The following FBXO39 variants were observed in gnomAD, a reference collection of about 807,000 sequenced individuals.
FBXO39 encodes the protein F-box protein 39, also known as F-box only protein 39.
In FBXO39, 22 loss-of-function variants were observed where a neutral mutation model predicts 36.6. The observed-to-expected ratio is 0.60, with a 90% confidence interval of 0.43 to 0.86. The LOEUF is 0.86. Among genes scored for constraint, FBXO39 ranks in the 40% least tolerant of loss-of-function variants. FBXO39 has a pLI of 0.00. For missense variants in FBXO39, 536 were observed against 543.9 expected, an observed-to-expected ratio of 0.99 and a Z score of 0.14; for synonymous variants, 206 against 205.8, an observed-to-expected ratio of 1.00 and a Z score of -0.01.
rs16956264 is a variant in FBXO39, at chr17:6,780,365, A to C, written c.497A>C (p.Tyr166Ser). ...FLKKMGKRLD[Y>S]LNLKGARLTV... ...AAGAAGATGGGCAAACGCCTGGATT[A>C]TCTCAACCTAAAAGGGGCCAGGCTG... The change falls in exon 2 of 4, where the codon TAT becomes TCT. Residue 166 changes from tyrosine to serine, a missense_variant. By Grantham distance (144) the Tyr-to-Ser change is moderately radical. Coordinates refer to ENST00000321535, the MANE Select transcript of FBXO39 (RefSeq NM_153230.3). 1 of 1,613,976 alleles carries C rather than the reference A, an allele frequency of 6.2e-7. No homozygotes were observed. Among genetic ancestry groups the C allele is most frequent in the Non-Finnish European group, 8.5e-7 (1 of 1,180,002 alleles).
At chr17:6,787,177 G>A (rs2151575799) in intron 3 of FBXO39, 123 bp from the exon 4 acceptor site, 3 of 1,452,272 alleles carry the variant, frequency 2.1e-6, no homozygotes, top group Non-Finnish European at 2.8e-6. Context: ...ACAACTGTAT[G>A]TGTAGATCAT....
At chr17:6,785,424 A>G (rs1401287042) in intron 2 of FBXO39, among the ~76,000 whole-genome samples, 1 of 151,896 alleles carries the variant, frequency 6.6e-6, no homozygotes, top group African/African-American at 2.4e-5. Flanking sequence ...TCTCCAGGGC[A>G]TTGAACTGGG....
chr17:6,777,364 A>G (rs554780627), intron 1 of FBXO39, among the ~76,000 whole-genome samples: 4 of 151,784 alleles, frequency 2.6e-5, no homozygotes, highest in Non-Finnish European at 4.4e-5. Flanking sequence ...GCAGTGTTTG[A>G]TTTCCTGTTC....
chr17:6,779,439 C>T (rs1976475547), intron 1 of FBXO39, among the ~76,000 whole-genome samples: 1 of 152,216 alleles, frequency 6.6e-6, no homozygotes. Context: ...CCTTGCAAAT[C>T]CTACTCACCC....
chr17:6,780,652 G>T lies in FBXO39; in HGVS notation c.784G>T (p.Asp262Tyr), dbSNP rs1976496463. The T allele has an allele frequency of 1.2e-6, 2 of 1,614,096 alleles. No homozygotes were observed. Among genetic ancestry groups the T allele is most frequent in the Non-Finnish European group, 1.7e-6 (2 of 1,180,020 alleles). Residue 262 changes from aspartate (D) to tyrosine (Y), a missense_variant, in exon 2 of 4, where the codon GAC becomes TAC. By Grantham distance (160) the Asp-to-Tyr change is radical (BLOSUM62 -3). Coordinates refer to ENST00000321535, the MANE Select transcript of FBXO39 (RefSeq NM_153230.3). ...CATCAACATCAAATGCCACGTTCATGACCCCCACGGACAGGTCATCTGGGG... is the reference window on the plus strand; with the variant it reads ...CATCAACATCAAATGCCACGTTCATTACCCCCACGGACAGGTCATCTGGGG... ...RTINIKCHVH[D>Y]PHGQVIWGMS...
chr17:6,778,874 TC>T (rs1218806854), intron 1 of FBXO39, among the ~76,000 whole-genome samples: 1 of 152,200 alleles, frequency 6.6e-6, no homozygotes, highest in Non-Finnish European at 1.5e-5. Flanking sequence ...CCAAATCGTG[TC>T]TTCTAAAGAA....
Position 6,787,587 on chromosome 17 carries a change from C to T in FBXO39, c.*159C>T, listed in dbSNP as rs750734070. ...GACAACATGACCAGCTCAGCAAAGG[C>T]TGAGACTGCCCATGACCTGAAGGCT... On this transcript the variant is annotated 3_prime_UTR_variant, in exon 4 of 4. Coordinates refer to ENST00000321535, the MANE Select transcript of FBXO39 (RefSeq NM_153230.3). The T allele has an allele frequency of 6.2e-5, 46 of 744,432 alleles. 1 individual carries two copies. In the Middle Eastern group the frequency reaches 9.0e-3, roughly 145 times the overall value. The allele number at this position is 744,432 out of a possible 1,614,324, so 46.1% of individuals were successfully genotyped here. A position where few individuals can be genotyped will look rare whatever the true frequency, so the allele number is the denominator to read the frequency against.
At chr17:6,785,784 A>AAT (rs1323818022) in intron 2 of FBXO39, among the ~76,000 whole-genome samples, 1 of 152,226 alleles carries the variant, frequency 6.6e-6, no homozygotes, top group East Asian at 1.9e-4. Context: ...GAGAAATGCA[A>AAT]ATCAAAACCA....
At chr17:6,779,712 G>A (rs1976479058) in intron 1 of FBXO39, 77 bp from the exon 2 acceptor site, 1 of 752,962 alleles carries the variant, frequency 1.3e-6, no homozygotes, top group Non-Finnish European at 2.1e-6. Flanking sequence ...ATGCACTTGG[G>A]ACCACAGGGA....
intron 2 of FBXO39, among the ~76,000 whole-genome samples, chr17:6,782,732 A>G (rs1374889781): frequency 6.6e-6 from 1 of 152,168 alleles, no homozygotes; most frequent in African/African-American, 2.4e-5. Flanking sequence ...AACAATTGTA[A>G]GTATATATGC....
chr17:6,786,378 G>A (rs954843334), intron 2 of FBXO39, among the ~76,000 whole-genome samples: 1 of 152,078 alleles, frequency 6.6e-6, no homozygotes, highest in Non-Finnish European at 1.5e-5. Context: ...GAGGGAAGTG[G>A]GGATGGCTAA....
chr17:6,778,746 T>A (rs1976464719), intron 1 of FBXO39, among the ~76,000 whole-genome samples: 1 of 152,182 alleles, frequency 6.6e-6, no homozygotes. Context: ...TGTAAAAAGT[T>A]TAGCAGATGG....
chr17:6,782,506 C>G (rs895654607), intron 2 of FBXO39, among the ~76,000 whole-genome samples: 1 of 152,056 alleles, frequency 6.6e-6, no homozygotes, highest in Non-Finnish European at 1.5e-5. Context: ...AAGAAAGACT[C>G]AATTATCTGC....
At chr17:6,787,249 T>TTCGCGC in intron 3 of FBXO39, 51 bp from the exon 4 acceptor site, 1 of 1,552,972 alleles carries the variant, frequency 6.4e-7, no homozygotes, top group Admixed American at 1.8e-5. Flanking sequence ...TGTGTGTGTG[T>TTCGCGC]GTGTGCGTGT....
At chr17:6,779,199 T>C (rs1468227578) in intron 1 of FBXO39, among the ~76,000 whole-genome samples, 1 of 152,166 alleles carries the variant, frequency 6.6e-6, no homozygotes, top group Non-Finnish European at 1.5e-5. Flanking sequence ...ATAATCTTTA[T>C]CACATCACGC....
intron 1 of FBXO39, among the ~76,000 whole-genome samples, chr17:6,777,262 C>T (rs1597773141): frequency 1.3e-5 from 2 of 151,974 alleles, no homozygotes; most frequent in African/African-American, 2.4e-5. Context: ...CTCCCCTTGC[C>T]CGCCACCCCC....
chr17:6,786,521 CAAAGGAT>C (rs1976572655), intron 2 of FBXO39, among the ~76,000 whole-genome samples: 1 of 152,068 alleles, frequency 6.6e-6, no homozygotes, highest in South Asian at 2.1e-4. Flanking sequence ...GTTTGTAACA[CAAAGGAT>C]AAATGCTTGA....
In FBXO39 at chr17:6,780,579, C is replaced by A. The variant is rs778379306; in HGVS notation, c.711C>A (p.Ser237=). ...VSLNLNYNCI[S]DELLENLCEN... is the part of the protein sequence containing the mutation. ...TGAACCTCAACTACAACTGTATCTC[C>A]GACGAGCTGCTTGAGAACTTGTGTG... Residue 237 remains serine, a synonymous_variant, in exon 2 of 4, where the codon TCC becomes TCA. Transcript: ENST00000321535. 1.2e-6 allele frequency: 2 copies of A among 1,614,024 alleles called. No homozygotes were observed. The highest frequency in any genetic ancestry group is 1.7e-6 in the Non-Finnish European group (2 of 1,180,026).
chr17:6,780,502 A>T lies in FBXO39; in HGVS notation c.634A>T (p.Asn212Tyr). Reference protein sequence around the residue: ...DYFSHHLAVYNSPQFKKTMST... With the variant: ...DYFSHHLAVYYSPQFKKTMST... ...TTTCAGCCATCACCTTGCTGTCTAC[A>T]ACAGCCCCCAGTTCAAAAAGACCAT... Residue 212 changes from asparagine (N) to tyrosine (Y), a missense_variant, in exon 2 of 4, where the codon AAC becomes TAC. By Grantham distance (143) the Asn-to-Tyr change is moderately radical. Coordinates refer to ENST00000321535, the MANE Select transcript of FBXO39 (RefSeq NM_153230.3). 6.2e-7 allele frequency: 1 copy of T among 1,614,098 alleles called. No individual in the cohort carries two copies. The highest frequency in any genetic ancestry group is 8.5e-7 in the Non-Finnish European group (1 of 1,180,012).
Sources: gnomAD v4.1 joint callset for allele counts (sites outside exome capture counted in the v4.1 genomes callset) on GRCh38, gnomAD v4.1.1 for gene constraint, MANE v1.5 for transcripts, NCBI Gene and HGNC (gene_info 2026-07-23, HGNC 2026-07-21) for gene names.